Variants in SLMAP observed in about 807,000 individuals in gnomAD.
SLMAP encodes sarcolemmal membrane-associated protein.
In SLMAP, 44 loss-of-function variants were observed where a neutral mutation model predicts 128.8. That is an observed-to-expected ratio of 0.34 (90% confidence interval 0.27 to 0.44). The LOEUF is 0.44. Ranked by LOEUF, SLMAP falls within the 20% of genes least tolerant of loss-of-function variation. SLMAP has a pLI of 1.00. For synonymous variants in SLMAP, 327 were observed against 348.8 expected, an observed-to-expected ratio of 0.94 and a Z score of 0.70; for missense variants, 787 against 985.3, an observed-to-expected ratio of 0.80 and a Z score of 2.69.
chr3:57,842,749 G>A (rs1411923088), intron 4 of SLMAP, among the ~76,000 whole-genome samples: 1 of 151,990 alleles, frequency 6.6e-6, no homozygotes, highest in Non-Finnish European at 1.5e-5. Context: ...CTCATTGTTT[G>A]TCTTTTCTTA....
rs2094880115 is a variant in SLMAP at position 57,858,138 on chromosome 3, C to A, written c.666C>A (p.Asn222Lys). 2.5e-6 allele frequency: 4 copies of A among 1,598,062 alleles called. No homozygotes were observed. Among genetic ancestry groups the A allele is most frequent in the Non-Finnish European group, 3.4e-6 (4 of 1,165,610 alleles). The change falls in exon 8 of 25, where the codon AAC (asparagine) becomes AAA (lysine). Residue 222 changes from asparagine to lysine, a missense_variant. Around this residue, in one of 2 missense-constraint regions of SLMAP, gnomAD observed 715 missense variants for 843.6 expected, o/e 0.85. Coordinates refer to ENST00000671191, the MANE Select transcript of SLMAP (RefSeq NM_001377540.1). ...RLLSRLEVMG[N>K]QLQACSKNQT... ...TATCACGGTTAGAAGTTATGGGAAA[C>A]CAATTACAGGCATGCTCCAAAGTAG...
chr3:57,787,844 GAT>G (rs2084570489), intron 2 of SLMAP, among the ~76,000 whole-genome samples: 1 of 152,192 alleles, frequency 6.6e-6, no homozygotes, highest in African/African-American at 2.4e-5. Flanking sequence ...AGGAGTGAAA[GAT>G]ATGATCCTTG....
chr3:57,798,881 T>C (rs1040968887), intron 2 of SLMAP, among the ~76,000 whole-genome samples: 6 of 152,226 alleles, frequency 3.9e-5, no homozygotes, highest in African/African-American at 1.4e-4. Flanking sequence ...TTGTATTGCT[T>C]TGGAAATGTT....
chr3:57,925,250 C>T (rs921108552), intron 23 of SLMAP, among the ~76,000 whole-genome samples: 4 of 150,920 alleles, frequency 2.7e-5, no homozygotes, highest in Non-Finnish European at 4.4e-5. Context: ...CCACTGCATT[C>T]GGCCTGCTCT....
chr3:57,856,833 A>G (rs575227879), intron 6 of SLMAP, among the ~76,000 whole-genome samples: 1 of 152,342 alleles, frequency 6.6e-6, no homozygotes, highest in South Asian at 2.1e-4. Context: ...GTTTGTTTAC[A>G]CCAACATCTC....
intron 14 of SLMAP, among the ~76,000 whole-genome samples, chr3:57,884,756 C>T (rs2095835950): frequency 1.3e-5 from 2 of 151,882 alleles, no homozygotes; most frequent in Admixed American, 6.6e-5. Flanking sequence ...TTGCAGTGGG[C>T]AGAGATCACG....
rs139964134 is a variant in SLMAP at position 57,910,597 on chromosome 3, G to A, written c.1699+1447G>A. On this transcript the variant is annotated intron_variant, in intron 19 of 24. Transcript: ENST00000671191. ...TATTTCTTTGTCTGGGCTATTACAG[G>A]GTTATTACAGAAATTTCCAGAAAGA... Among the ~76,000 whole-genome samples, 631 of 152,178 alleles carry A rather than the reference G, an allele frequency of 4.1e-3. 6 individuals carry two copies. The highest frequency in any genetic ancestry group is 0.015 in the African/African-American group (612 of 41,510).
intron 2 of SLMAP, among the ~76,000 whole-genome samples, chr3:57,777,396 C>A (rs1490365255): frequency 6.6e-6 from 1 of 151,886 alleles, no homozygotes; most frequent in Non-Finnish European, 1.5e-5. Flanking sequence ...TTAATACATT[C>A]AAATACATTA....
chr3:57,776,709 A>G (rs2082026254), intron 2 of SLMAP, among the ~76,000 whole-genome samples: 2 of 151,456 alleles, frequency 1.3e-5, no homozygotes, highest in African/African-American at 4.9e-5. Context: ...TGTATTTAGT[A>G]GAGACAGGGT....
At chr3:57,813,056 A>G (rs1292018368) in intron 2 of SLMAP, among the ~76,000 whole-genome samples, 1 of 150,480 alleles carries the variant, frequency 6.6e-6, no homozygotes, top group African/African-American at 2.4e-5. Flanking sequence ...TATATCATCT[A>G]TAAACGGATA....
intron 24 of SLMAP, 84 bp downstream of exon 24, chr3:57,926,018 C>A: frequency 1.1e-6 from 1 of 949,204 alleles, no homozygotes; most frequent in Non-Finnish European, 1.7e-6. Context: ...ATGGCAAGAA[C>A]ACACAGGTAT....
chr3:57,843,077 T>C (rs1183309989), intron 4 of SLMAP, among the ~76,000 whole-genome samples: 1 of 152,208 alleles, frequency 6.6e-6, no homozygotes, highest in Non-Finnish European at 1.5e-5. Context: ...CAATAAACTT[T>C]AGCTGTTTCT....
At chr3:57,924,722 A>G (rs116516737) in intron 23 of SLMAP, among the ~76,000 whole-genome samples, 1 of 152,258 alleles carries the variant, frequency 6.6e-6, no homozygotes, top group African/African-American at 2.4e-5. Flanking sequence ...TGCCTGATTT[A>G]GGAAGCACGC....
chr3:57,917,025 TAAA>T lies in SLMAP; in HGVS notation c.2261_2263del (p.Lys754del), dbSNP rs751523016. 24 of 1,613,820 alleles carry T rather than the reference TAAA, an allele frequency of 1.5e-5. No individual in the cohort carries two copies. Among genetic ancestry groups the T allele is most frequent in the Non-Finnish European group, 1.9e-5 (23 of 1,179,940 alleles). ...CAGCATCTTCGGGATTCAGCTGATT[TAAA>T]AACTCTTCTCAGTAAGGCAGAAAAC... On this transcript the variant is annotated inframe_deletion, in exon 22 of 25. Coordinates refer to ENST00000671191, the MANE Select transcript of SLMAP (RefSeq NM_001377540.1).
intron 2 of SLMAP, among the ~76,000 whole-genome samples, chr3:57,809,816 G>C (rs2090608984): frequency 6.6e-6 from 1 of 152,074 alleles, no homozygotes; most frequent in African/African-American, 2.4e-5. Flanking sequence ...TCCACTTCAG[G>C]GCCTCCTCTG....
chr3:57,907,686 A>G (rs2096602609), intron 17 of SLMAP, among the ~76,000 whole-genome samples, 198 bp from the exon 18 acceptor site: 1 of 152,184 alleles, frequency 6.6e-6, no homozygotes. Context: ...CATCACCATG[A>G]TTACTAATAT....
chr3:57,916,831 T>C, intron 21 of SLMAP, 75 bp from the exon 22 acceptor site: 1 of 1,163,822 alleles, frequency 8.6e-7, no homozygotes, highest in East Asian at 2.4e-5. Flanking sequence ...TCTAGTGAAA[T>C]GTATAAGAAA....
At chr3:57,833,840 A>T (rs1215048785) in intron 3 of SLMAP, among the ~76,000 whole-genome samples, 1 of 152,030 alleles carries the variant, frequency 6.6e-6, no homozygotes. Context: ...TTTGGTACTT[A>T]CTGGCTTCAA....
chr3:57,906,475 C>T (rs944647237), intron 17 of SLMAP, among the ~76,000 whole-genome samples: 2 of 148,222 alleles, frequency 1.3e-5, no homozygotes, highest in African/African-American at 4.9e-5. Flanking sequence ...ACCACCACGC[C>T]CAGCTAATTT....
Sources: allele counts gnomAD v4.1 joint callset (sites outside exome capture counted in the v4.1 genomes callset), GRCh38; gene constraint gnomAD v4.1.1; regional missense constraint gnomAD v4.1.1; transcripts MANE v1.5; gene names NCBI Gene and HGNC (gene_info 2026-07-23, HGNC 2026-07-21).